Variants in ERCC8 observed in about 807,000 individuals in gnomAD.
ERCC8 encodes the protein ERCC excision repair 8, CSA ubiquitin ligase complex subunit, also known as DNA excision repair protein ERCC-8.
Under a neutral mutation model 54.9 loss-of-function variants are expected in ERCC8, and 52 were observed. The observed-to-expected ratio is 0.95, with a 90% CI of 0.76 to 1.19. The LOEUF is 1.19. Among genes scored for constraint, ERCC8 ranks in the 50% most tolerant of loss-of-function variants. ERCC8 has a pLI of 0.00. For synonymous variants in ERCC8, 146 were observed against 157.2 expected, an observed-to-expected ratio of 0.93 and a Z score of 0.53; for missense variants, 514 against 466.1, an observed-to-expected ratio of 1.10 and a Z score of -0.95.
At chr5:60,929,563 G>T (rs1213972744) in intron 1 of ERCC8, among the ~76,000 whole-genome samples, 2 of 152,104 alleles carry the variant, frequency 1.3e-5, no homozygotes, top group African/African-American at 2.4e-5. Context: ...CTCCAGCCTG[G>T]GTGACAGAGT....
intron 1 of ERCC8, among the ~76,000 whole-genome samples, chr5:60,941,141 C>T (rs1224942462): frequency 6.6e-6 from 1 of 151,894 alleles, no homozygotes; most frequent in Non-Finnish European, 1.5e-5. Context: ...AACAGTGAGG[C>T]CTCATCTCTA....
intron 4 of ERCC8, among the ~76,000 whole-genome samples, chr5:60,915,669 A>G (rs966497): frequency 0.1 from 15,839 of 151,824 alleles, 1,119 homozygotes; most frequent in South Asian, 0.17. Flanking sequence ...TTGGCTTGTG[A>G]TCCCCTTAAT....
In ERCC8 at chr5:60,894,498, G is replaced by A. The variant is rs141296306; in HGVS notation, c.844-3412C>T. Among the ~76,000 whole-genome samples the A allele has an allele frequency of 3.6e-3, 552 of 152,252 alleles. 2 individuals carry two copies. The highest frequency in any genetic ancestry group is 0.015 in the South Asian group (72 of 4,822). On this transcript the variant is annotated intron_variant, in intron 9 of 11. Transcript: ENST00000676185. ...TAAAAAAGCACAGACCATAAATAGT[G>A]TGTACACTGTAGTTTTACCTTTATA...
intron 11 of ERCC8, among the ~76,000 whole-genome samples, chr5:60,876,097 C>A (rs1747996825): frequency 6.6e-6 from 1 of 151,366 alleles, no homozygotes; most frequent in Non-Finnish European, 1.5e-5. Context: ...TCTTACTGTT[C>A]AATTCCCACC....
intron 1 of ERCC8, among the ~76,000 whole-genome samples, chr5:60,944,436 A>G (rs1203786203): frequency 6.6e-6 from 1 of 152,050 alleles, no homozygotes; most frequent in Non-Finnish European, 1.5e-5. Context: ...TTCCTCATCT[A>G]GTTTCTGTCT....
At chr5:60,904,654 A>ATG (rs1749012117) in intron 5 of ERCC8, 138 bp downstream of exon 5, 1 of 126,246 alleles carries the variant, frequency 7.9e-6, no homozygotes, top group Non-Finnish European at 1.5e-5. Context: ...ATATATATAT[A>ATG]TATATATATA....
intron 3 of ERCC8, 171 bp from the exon 4 acceptor site, chr5:60,918,559 T>C (rs1434267339): frequency 4.8e-6 from 3 of 620,484 alleles, no homozygotes; most frequent in Non-Finnish European, 8.8e-6. Flanking sequence ...CAGGCATCTC[T>C]AGATTCAGGC....
intron 11 of ERCC8, among the ~76,000 whole-genome samples, chr5:60,884,523 G>GTTTTTTTT (rs71606648): frequency 7.8e-6 from 1 of 128,126 alleles, no homozygotes; most frequent in Non-Finnish European, 1.6e-5. Context: ...GTGTGTATGT[G>GTTTTTTTT]TTTTTTTTTT....
At chr5:60,885,014 C>CT (rs11323212) in intron 11 of ERCC8, among the ~76,000 whole-genome samples, 15 of 147,848 alleles carry the variant, frequency 1.0e-4, no homozygotes, top group South Asian at 2.1e-4. Context: ...CACATATTAT[C>CT]TTTTTTTTTT....
Position 60,874,633 on chromosome 5 carries a change from G to A in ERCC8, c.1173C>T (p.Ser391=). Reference sequence around the variant, plus strand: ...ATGATATTCATCCTTCTTCATCACTGCTGCTCCAGGCATCTTCAAAGGCCG... The same window carrying A: ...ATGATATTCATCCTTCTTCATCACTACTGCTCCAGGCATCTTCAAAGGCCG... The part of the protein sequence containing the change: ...LNPAFEDAWS[S]SDEEG Residue 391 remains serine, a synonymous_variant, in exon 12 of 12, where the codon AGC becomes AGT. Transcript: ENST00000676185. 1 of 1,612,952 alleles carries A rather than the reference G, an allele frequency of 6.2e-7. No homozygotes were observed.
At chr5:60,881,912 T>G (rs1265424681) in intron 11 of ERCC8, among the ~76,000 whole-genome samples, 1 of 152,176 alleles carries the variant, frequency 6.6e-6, no homozygotes, top group African/African-American at 2.4e-5. Context: ...ACCTGGTACC[T>G]CAGTTGGAAA....
intron 2 of ERCC8, among the ~76,000 whole-genome samples, chr5:60,923,857 C>A (rs1749670959): frequency 6.6e-6 from 1 of 152,064 alleles, no homozygotes; most frequent in Non-Finnish European, 1.5e-5. Flanking sequence ...CCAAACAATG[C>A]AATCTCTCTA....
At chr5:60,912,758 T>A (rs1009092605) in intron 4 of ERCC8, among the ~76,000 whole-genome samples, 5 of 152,126 alleles carry the variant, frequency 3.3e-5, no homozygotes, top group Non-Finnish European at 5.9e-5. Flanking sequence ...TATTTTGAGA[T>A]ACATTCTATC....
intron 4 of ERCC8, among the ~76,000 whole-genome samples, chr5:60,915,832 T>C (rs1316827588): frequency 6.6e-6 from 1 of 151,988 alleles, no homozygotes; most frequent in African/African-American, 2.4e-5. Flanking sequence ...TGTCTTGAGG[T>C]CAGGTGATTG....
chr5:60,874,397 A>G lies in ERCC8; in HGVS notation c.*218T>C. ...GTAGCAATGAGGGCTTTCCCAGGCC[A>G]CAACATCTGGGATCAAGGAACACAT... On this transcript the variant is annotated 3_prime_UTR_variant, in exon 12 of 12. Transcript: ENST00000676185. 3.8e-6 allele frequency: 2 copies of G among 526,972 alleles called. No homozygotes were observed. The highest frequency in any genetic ancestry group is 6.6e-5 in the East Asian group (2 of 30,274). 32.6% of individuals were successfully genotyped at this position (526,972 alleles called of 1,614,324 possible).
At chr5:60,883,353 C>T (rs1748301364) in intron 11 of ERCC8, among the ~76,000 whole-genome samples, 1 of 152,144 alleles carries the variant, frequency 6.6e-6, no homozygotes, top group Non-Finnish European at 1.5e-5. Flanking sequence ...GTACACATTA[C>T]CATTTGAGAC....
chr5:60,903,035 C>G (rs1400719355), intron 6 of ERCC8, among the ~76,000 whole-genome samples: 1 of 151,846 alleles, frequency 6.6e-6, no homozygotes, highest in African/African-American at 2.4e-5. Flanking sequence ...ACATTTCCAC[C>G]TGCCCAGCTT....
Position 60,871,173 on chromosome 5 carries a change from G to C in ERCC8, c.*3442C>G, listed in dbSNP as rs1453307370. Among the ~76,000 whole-genome samples the C allele has an allele frequency of 1.3e-5, 2 of 152,160 alleles. No individual in the cohort carries two copies. Among genetic ancestry groups the C allele is most frequent in the Admixed American group, 1.3e-4 (2 of 15,262 alleles). ...CAAATTGTACACCAAAATATACCAA[G>C]AAAAATATAGTACAGTTCCAAGTCT... On this transcript the variant is annotated 3_prime_UTR_variant, in exon 12 of 12. Transcript: ENST00000676185.
At chr5:60,938,239 G>A (rs1158685351) in intron 1 of ERCC8, among the ~76,000 whole-genome samples, 2 of 149,950 alleles carry the variant, frequency 1.3e-5, no homozygotes, top group South Asian at 2.1e-4. Flanking sequence ...TTTCTGAAAT[G>A]TAATTATGAA....
Sources: gnomAD v4.1 joint callset for allele counts (sites outside exome capture counted in the v4.1 genomes callset) on GRCh38, gnomAD v4.1.1 for gene constraint, MANE v1.5 for transcripts, NCBI Gene and HGNC (gene_info 2026-07-23, HGNC 2026-07-21) for gene names.